The following SLC35F1 variants were observed in gnomAD, a reference collection of about 807,000 sequenced individuals.
SLC35F1 encodes solute carrier family 35 member F1.
In SLC35F1, 14 loss-of-function variants were observed where a neutral mutation model predicts 48.7. The observed-to-expected ratio is 0.29, with a 90% CI of 0.19 to 0.45. The LOEUF (loss-of-function observed/expected upper bound fraction) is 0.45, where lower values mean the gene tolerates loss of function less well. SLC35F1 is among the 20% of genes least tolerant of loss of function. The pLI is 1.00. For missense variants in SLC35F1, 404 were observed against 500.0 expected, an observed-to-expected ratio of 0.81 and a Z score of 1.83; for synonymous variants, 190 against 202.2, an observed-to-expected ratio of 0.94 and a Z score of 0.51.
At chr6:117,981,477 C>T (rs1582598594) in intron 1 of SLC35F1, among the ~76,000 whole-genome samples, 3 of 151,996 alleles carry the variant, frequency 2.0e-5, no homozygotes, top group Admixed American at 2.0e-4. Context: ...GGTGTTGTCA[C>T]AGTGCATGAG....
rs145572699 is a variant in SLC35F1 at position 118,169,795 on chromosome 6, A to C, written c.349+15175A>C. On this transcript the variant is annotated intron_variant, in intron 2 of 7. Transcript: ENST00000360388. ...ACAGGGGAGGAATTGGTTAATAAAAAGTGATTATTTTCCATTTCTATTGAA... is the reference window on the plus strand; with the variant it reads ...ACAGGGGAGGAATTGGTTAATAAAACGTGATTATTTTCCATTTCTATTGAA... 1.8e-4 allele frequency among the ~76,000 whole-genome samples: 28 copies of C among 152,344 alleles called. No homozygotes were observed. The East Asian group carries it at 5.4e-3, about 29-fold the overall frequency.
At chr6:117,951,113 T>C (rs1292420158) in intron 1 of SLC35F1, among the ~76,000 whole-genome samples, 2 of 152,158 alleles carry the variant, frequency 1.3e-5, no homozygotes, top group African/African-American at 4.8e-5. Flanking sequence ...CTTGATAGCA[T>C]GAATGCAATC....
At chr6:118,018,389 GA>G (rs1295332036) in intron 1 of SLC35F1, among the ~76,000 whole-genome samples, 3 of 151,512 alleles carry the variant, frequency 2.0e-5, no homozygotes, top group Non-Finnish European at 4.4e-5. Flanking sequence ...AAAGAAAAAA[GA>G]AAAAAAGGCA....
chr6:118,024,666 T>C (rs887312682), intron 1 of SLC35F1, among the ~76,000 whole-genome samples: 1 of 152,174 alleles, frequency 6.6e-6, no homozygotes, highest in African/African-American at 2.4e-5. Flanking sequence ...TGCATTTCCT[T>C]TTTGTGAACC....
At position 118,314,147 on chromosome 6, in the gene SLC35F1, A is replaced by G. The variant is rs1776403710; in HGVS notation, c.1122A>G (p.Ser374=). 6.2e-7 allele frequency: 1 copy of G among 1,614,026 alleles called. No individual in the cohort carries two copies. Among genetic ancestry groups the G allele is most frequent in the African/African-American group, 1.3e-5 (1 of 74,906 alleles). The change falls in exon 8 of 8, where the codon TCA becomes TCG. Residue 374 remains serine, a synonymous_variant. Coordinates refer to ENST00000360388, the MANE Select transcript of SLC35F1 (RefSeq NM_001029858.4). ...PRVYKQFRNP[S]GPVVDLPTTA... ...TGTATAAGCAGTTCCGCAATCCTTC[A>G]GGACCTGTTGTGGACTTACCGACCA... is the stretch of plus-strand genomic sequence containing the variant.
intron 1 of SLC35F1, among the ~76,000 whole-genome samples, chr6:118,026,399 T>C (rs1771943349): frequency 6.6e-6 from 1 of 152,220 alleles, no homozygotes; most frequent in Non-Finnish European, 1.5e-5. Flanking sequence ...TACATTTAGT[T>C]TAAGTGACTG....
At chr6:118,285,064 A>C in intron 6 of SLC35F1, 120 bp from the exon 7 acceptor site, 4 of 1,030,786 alleles carry the variant, frequency 3.9e-6, no homozygotes, top group Non-Finnish European at 5.7e-6. Flanking sequence ...ATAGGGGAAA[A>C]GAGAAACTGC....
intron 2 of SLC35F1, among the ~76,000 whole-genome samples, chr6:118,187,014 C>G (rs995262613): frequency 1.3e-5 from 2 of 152,216 alleles, no homozygotes; most frequent in Non-Finnish European, 2.9e-5. Flanking sequence ...AACTGTCTCT[C>G]ATTCTATCTC....
intron 1 of SLC35F1, among the ~76,000 whole-genome samples, chr6:117,956,240 G>A (rs1282921213): frequency 2.6e-5 from 4 of 152,196 alleles, no homozygotes; most frequent in African/African-American, 9.7e-5. Context: ...GTGGGGCAGG[G>A]TATCTTCCTA....
chr6:118,134,160 A>C (rs1193704086), intron 1 of SLC35F1, among the ~76,000 whole-genome samples: 1 of 152,200 alleles, frequency 6.6e-6, no homozygotes. Flanking sequence ...AAAAAGGAGA[A>C]ACTGCCTGTG....
At chr6:118,124,641 C>T (rs1231070250) in intron 1 of SLC35F1, among the ~76,000 whole-genome samples, 1 of 152,082 alleles carries the variant, frequency 6.6e-6, no homozygotes, top group Non-Finnish European at 1.5e-5. Context: ...TGGATAATGT[C>T]CCAGGGTGAC....
At chr6:118,002,544 T>C (rs1427245004) in intron 1 of SLC35F1, among the ~76,000 whole-genome samples, 1 of 151,904 alleles carries the variant, frequency 6.6e-6, no homozygotes, top group Non-Finnish European at 1.5e-5. Flanking sequence ...GGCACATGTA[T>C]ACATATGTAA....
intron 2 of SLC35F1, among the ~76,000 whole-genome samples, chr6:118,205,361 C>A (rs780716933): frequency 6.6e-6 from 1 of 152,208 alleles, no homozygotes; most frequent in Non-Finnish European, 1.5e-5. Context: ...ATGGCCACTA[C>A]GCACATCTAT....
At chr6:117,976,186 C>T (rs992610518) in intron 1 of SLC35F1, among the ~76,000 whole-genome samples, 5 of 152,152 alleles carry the variant, frequency 3.3e-5, no homozygotes, top group African/African-American at 1.2e-4. Flanking sequence ...ACTGAAGTCC[C>T]TTTCAGCTTC....
At chr6:118,267,816 G>A (rs1371994171) in intron 4 of SLC35F1, among the ~76,000 whole-genome samples, 1 of 152,174 alleles carries the variant, frequency 6.6e-6, no homozygotes, top group Non-Finnish European at 1.5e-5. Flanking sequence ...TCAAATTGCT[G>A]TGAATCTGCT....
chr6:118,046,839 C>T (rs1415735223), intron 1 of SLC35F1, among the ~76,000 whole-genome samples: 3 of 152,096 alleles, frequency 2.0e-5, no homozygotes, highest in Non-Finnish European at 2.9e-5. Flanking sequence ...CCAAAAGTTA[C>T]ACAGTAATTT....
chr6:117,996,406 G>A (rs924309810), intron 1 of SLC35F1, among the ~76,000 whole-genome samples: 57 of 152,262 alleles, frequency 3.7e-4, no homozygotes, highest in African/African-American at 1.3e-3. Flanking sequence ...CTGCATTTCC[G>A]TCTGAGCTTT....
chr6:118,271,330 A>G (rs1775849237), intron 4 of SLC35F1, among the ~76,000 whole-genome samples: 1 of 152,176 alleles, frequency 6.6e-6, no homozygotes, highest in Non-Finnish European at 1.5e-5. Flanking sequence ...TGTAACACTT[A>G]GTCCTTATTT....
rs150864632 is a variant in SLC35F1 at position 117,921,410 on chromosome 6, T to TG, written c.173+13512dup. Among the ~76,000 whole-genome samples the TG allele has an allele frequency of 2.8e-4, 42 of 152,370 alleles. 1 individual carries two copies. In the East Asian group the frequency reaches 6.7e-3, roughly 24 times the overall value. On this transcript the variant is annotated intron_variant, in intron 1 of 7. Coordinates refer to ENST00000360388, the MANE Select transcript of SLC35F1 (RefSeq NM_001029858.4). ...TTCATTATAACACTTCAGTTCCAGGTGACAATAAGTACTGTGACTTGGATT... is the reference window on the plus strand; with the variant it reads ...TTCATTATAACACTTCAGTTCCAGGTGGACAATAAGTACTGTGACTTGGATT...
Sources: gnomAD v4.1 joint callset for allele counts (sites outside exome capture counted in the v4.1 genomes callset) on GRCh38, gnomAD v4.1.1 for gene constraint, MANE v1.5 for transcripts, NCBI Gene and HGNC (gene_info 2026-07-23, HGNC 2026-07-21) for gene names.